Variants in GLI2 observed in about 807,000 individuals in gnomAD.
GLI2 encodes transcription activator GLI2.
A neutral mutation model predicts 78.9 loss-of-function variants in GLI2; 22 were observed. That is an observed-to-expected ratio of 0.28 (90% CI 0.20 to 0.40). The LOEUF is 0.40. GLI2 is among the 10% of genes least tolerant of loss of function. The pLI is 1.00. For missense variants in GLI2, 2,097 were observed against 2,213.2 expected, an observed-to-expected ratio of 0.95 and a Z score of 1.05; for synonymous variants, 974 against 963.7, an observed-to-expected ratio of 1.01 and a Z score of -0.20.
At chr2:120,895,706 AAACAAG>A (rs904137926) in intron 2 of GLI2, among the ~76,000 whole-genome samples, 8 of 152,320 alleles carry the variant, frequency 5.3e-5, no homozygotes, top group African/African-American at 1.9e-4. Flanking sequence ...CCGTCACAAA[AAACAAG>A]AACAGAAACA....
chr2:120,851,790 C>T (rs1164220631), intron 2 of GLI2, among the ~76,000 whole-genome samples: 1 of 152,224 alleles, frequency 6.6e-6, no homozygotes, highest in Non-Finnish European at 1.5e-5. Context: ...AGTCAACACA[C>T]AGGTGAAACA....
intron 1 of GLI2, among the ~76,000 whole-genome samples, chr2:120,769,170 G>T (rs1183997300): frequency 6.6e-6 from 1 of 152,152 alleles, no homozygotes; most frequent in Non-Finnish European, 1.5e-5. Flanking sequence ...CCCCCACTTG[G>T]TGCCCAGCCT....
chr2:120,771,448 G>C (rs1032542762), intron 1 of GLI2, among the ~76,000 whole-genome samples: 1 of 152,214 alleles, frequency 6.6e-6, no homozygotes, highest in Non-Finnish European at 1.5e-5. Flanking sequence ...TTTTCCAAGC[G>C]TCCTTCCTTT....
intron 3 of GLI2, among the ~76,000 whole-genome samples, chr2:120,944,196 C>A (rs1321282218): frequency 6.6e-6 from 1 of 152,190 alleles, no homozygotes; most frequent in Admixed American, 6.5e-5. Context: ...CCAAAAATCT[C>A]ATGGCAGCAG....
At chr2:120,957,125 G>A (rs1261637476) in intron 5 of GLI2, among the ~76,000 whole-genome samples, 1 of 152,186 alleles carries the variant, frequency 6.6e-6, no homozygotes, top group African/African-American at 2.4e-5. Flanking sequence ...GCTGAGAAGA[G>A]GGCGGCCAAC....
At chr2:120,760,476 A>G (rs565589153) in intron 1 of GLI2, among the ~76,000 whole-genome samples, 4 of 152,086 alleles carry the variant, frequency 2.6e-5, no homozygotes, top group African/African-American at 7.2e-5. Context: ...TGACTTCTGG[A>G]GGTTGTGTTA....
At chr2:120,741,761 C>A (rs1026278220) in intron 1 of GLI2, among the ~76,000 whole-genome samples, 12 of 152,072 alleles carry the variant, frequency 7.9e-5, no homozygotes, top group African/African-American at 2.4e-4. Flanking sequence ...CGCCCCGGGC[C>A]CGCGGCTGCG....
At chr2:120,804,195 C>T (rs1313148269) in intron 2 of GLI2, among the ~76,000 whole-genome samples, 2 of 152,116 alleles carry the variant, frequency 1.3e-5, no homozygotes, top group African/African-American at 4.8e-5. Flanking sequence ...CTAGAAAATC[C>T]CCTCCCACCA....
intron 2 of GLI2, among the ~76,000 whole-genome samples, chr2:120,804,253 C>A (rs568351648): frequency 6.6e-6 from 1 of 152,226 alleles, no homozygotes. Context: ...TCCATTGGTA[C>A]GTACCTCCAA....
intron 5 of GLI2, among the ~76,000 whole-genome samples, chr2:120,964,592 C>T (rs1681742550): frequency 1.3e-5 from 2 of 152,262 alleles, no homozygotes; most frequent in African/African-American, 4.8e-5. Flanking sequence ...GAGGGAAGGC[C>T]GACTCCCGGG....
intron 2 of GLI2, among the ~76,000 whole-genome samples, chr2:120,808,947 G>GAA (rs1685093396): frequency 6.6e-6 from 1 of 152,202 alleles, no homozygotes; most frequent in Admixed American, 6.5e-5. Flanking sequence ...GCGCCCACAT[G>GAA]CCTGGCCCCC....
chr2:120,990,789 G>C lies in GLI2; in HGVS notation c.*114G>C. On this transcript the variant is annotated 3_prime_UTR_variant, in exon 14 of 14. Coordinates refer to ENST00000361492, the MANE Select transcript of GLI2 (RefSeq NM_001374353.1). ...AAGTGTTAAATAGGCTTGAGGGGTT[G>C]TTGCGCAATGGCCGCTTCAGATGAC... is the stretch of plus-strand genomic sequence containing the variant. 1.2e-6 allele frequency: 1 copy of C among 803,360 alleles called. No homozygotes were observed. Among genetic ancestry groups the C allele is most frequent in the Non-Finnish European group, 2.0e-6 (1 of 508,740 alleles). 49.8% of individuals were successfully genotyped at this position (803,360 alleles called of 1,614,324 possible).
intron 5 of GLI2, among the ~76,000 whole-genome samples, chr2:120,962,646 G>A (rs555321553): frequency 6.6e-6 from 1 of 152,274 alleles, no homozygotes; most frequent in Admixed American, 6.5e-5. Flanking sequence ...CATGTTCCCG[G>A]TCATAAATCA....
intron 9 of GLI2, among the ~76,000 whole-genome samples, chr2:120,977,166 G>C (rs906986360): frequency 3.3e-5 from 5 of 152,140 alleles, no homozygotes; most frequent in African/African-American, 1.2e-4. Flanking sequence ...CTGATGCTTG[G>C]CTCTTGGGAC....
At chr2:120,777,423 A>C (rs1224910134) in intron 1 of GLI2, among the ~76,000 whole-genome samples, 1 of 152,016 alleles carries the variant, frequency 6.6e-6, no homozygotes, top group African/African-American at 2.4e-5. Context: ...CCCTGTTTCC[A>C]GTGCCGTTTG....
intron 2 of GLI2, among the ~76,000 whole-genome samples, chr2:120,837,246 T>C (rs1686656537): frequency 6.6e-6 from 1 of 151,824 alleles, no homozygotes; most frequent in African/African-American, 2.4e-5. Context: ...TACAGAAAAC[T>C]AGCCGGGTGT....
Position 120,990,250 on chromosome 2 carries a change from T to C in GLI2, c.4285T>C (p.Tyr1429His). Reference protein sequence around the residue: ...AGGAPDHSMLYYYGQIHMYEQ... With the variant: ...AGGAPDHSMLHYYGQIHMYEQ... ...TGGGGCCCCGGACCACAGCATGCTCTACTACTACGGCCAGATCCACATGTA... is the reference window on the plus strand; with the variant it reads ...TGGGGCCCCGGACCACAGCATGCTCCACTACTACGGCCAGATCCACATGTA... The change falls in exon 14 of 14, where the codon TAC becomes CAC. Residue 1429 changes from tyrosine (Y) to histidine (H), a missense_variant. Tyr to His is a moderately conservative substitution (Grantham distance 83). Transcript: ENST00000361492. 2 of 1,613,680 alleles carry C rather than the reference T, an allele frequency of 1.2e-6. No homozygotes were observed. The highest frequency in any genetic ancestry group is 3.3e-5 in the Admixed American group (2 of 60,030).
chr2:120,778,376 C>T (rs1250429170), intron 1 of GLI2, among the ~76,000 whole-genome samples: 2 of 152,162 alleles, frequency 1.3e-5, no homozygotes, highest in Admixed American at 6.5e-5. Context: ...GTGCTCCCAT[C>T]GTCGCTCCTG....
Position 120,968,933 on chromosome 2 carries a change from G to T in GLI2, c.845+18G>T, listed in dbSNP as rs758987574. On this transcript the variant is annotated intron_variant, in intron 6 of 13. Coordinates refer to ENST00000361492, the MANE Select transcript of GLI2 (RefSeq NM_001374353.1). ...GCCCTCAGGTGAGCCCCGCCTGCAAGCAGAGAGCTGAGGACCAGAGCTGGG... is the reference window on the plus strand; with the variant it reads ...GCCCTCAGGTGAGCCCCGCCTGCAATCAGAGAGCTGAGGACCAGAGCTGGG... The T allele has an allele frequency of 1.9e-6, 3 of 1,598,474 alleles. No individual in the cohort carries two copies. The highest frequency in any genetic ancestry group is 2.6e-6 in the Non-Finnish European group (3 of 1,171,546).
Sources: allele counts gnomAD v4.1 joint callset (sites outside exome capture counted in the v4.1 genomes callset), GRCh38; gene constraint gnomAD v4.1.1; transcripts MANE v1.5; gene names NCBI Gene and HGNC (gene_info 2026-07-23, HGNC 2026-07-21).